DOK5: variants seen among roughly 807,000 people sequenced by gnomAD.
DOK5 encodes the protein downstream of tyrosine kinase 5.
DOK5 carries 27 observed loss-of-function variants against 43.3 expected under a neutral mutation model. The ratio of observed to expected loss-of-function variants is 0.62; its 90% CI spans 0.46 to 0.86. The LOEUF (loss-of-function observed/expected upper bound fraction) is 0.86. Among genes scored for constraint, DOK5 ranks in the 40% least tolerant of loss-of-function variants. DOK5 has a pLI of 0.00. For synonymous variants in DOK5, 146 were observed against 140.1 expected (o/e 1.04, Z -0.30); for missense variants, 373 against 392.9 (o/e 0.95, Z 0.43).
intron 1 of DOK5, among the ~76,000 whole-genome samples, chr20:54,512,790 C>T (rs1983055622): frequency 6.6e-6 from 1 of 152,168 alleles, no homozygotes; most frequent in African/African-American, 2.4e-5. Context: ...TGGGGAAGCC[C>T]ATCACCAGAG....
chr20:54,551,645 T>C (rs1012824183), intron 1 of DOK5, among the ~76,000 whole-genome samples: 4 of 152,334 alleles, frequency 2.6e-5, no homozygotes, highest in East Asian at 3.9e-4. Context: ...GCCTCAGTAC[T>C]GTACACTGAA....
chr20:54,591,306 G>T (rs1985967401), intron 4 of DOK5, among the ~76,000 whole-genome samples: 1 of 152,014 alleles, frequency 6.6e-6, no homozygotes, highest in Non-Finnish European at 1.5e-5. Context: ...TGGTTGTATT[G>T]CTTTAGTCTT....
chr20:54,601,673 T>A (rs951656798), intron 5 of DOK5, among the ~76,000 whole-genome samples: 7 of 152,194 alleles, frequency 4.6e-5, no homozygotes, highest in African/African-American at 1.7e-4. Context: ...GTGCTAGTGA[T>A]GATGAAATGG....
chr20:54,544,610 C>G (rs1984275359), intron 1 of DOK5, among the ~76,000 whole-genome samples: 1 of 152,156 alleles, frequency 6.6e-6, no homozygotes, highest in South Asian at 2.1e-4. Flanking sequence ...GCTGGCTGAA[C>G]AGGAGACCGG....
intron 6 of DOK5, among the ~76,000 whole-genome samples, chr20:54,612,537 G>A (rs148616028): frequency 6.6e-6 from 1 of 152,292 alleles, no homozygotes; most frequent in Non-Finnish European, 1.5e-5. Context: ...TGCTATGTGA[G>A]TGGGCCTCAT....
chr20:54,535,508 G>A (rs1304941656), intron 1 of DOK5, among the ~76,000 whole-genome samples: 6 of 150,524 alleles, frequency 4.0e-5, no homozygotes, highest in Admixed American at 1.3e-4. Flanking sequence ...ATTTTTTAAT[G>A]CAAAATCCCT....
intron 6 of DOK5, among the ~76,000 whole-genome samples, chr20:54,615,898 T>TTAA (rs111274477): frequency 3.9e-4 from 56 of 142,490 alleles, no homozygotes; most frequent in African/African-American, 1.3e-3. Context: ...AGACTCCATC[T>TTAA]CAAAAAAAAA....
intron 1 of DOK5, among the ~76,000 whole-genome samples, chr20:54,525,629 G>C (rs1983549148): frequency 6.6e-6 from 1 of 152,202 alleles, no homozygotes; most frequent in Non-Finnish European, 1.5e-5. Flanking sequence ...CTACAATGGA[G>C]ACAAGAATAA....
At chr20:54,614,339 CAG>C (rs1478896315) in intron 6 of DOK5, among the ~76,000 whole-genome samples, 1 of 152,096 alleles carries the variant, frequency 6.6e-6, no homozygotes, top group South Asian at 2.1e-4. Flanking sequence ...TGGAGAGAGA[CAG>C]AGGGAGGGGA....
chr20:54,640,243 A>G (rs1270359400), intron 6 of DOK5, among the ~76,000 whole-genome samples: 1 of 152,234 alleles, frequency 6.6e-6, no homozygotes, highest in Admixed American at 6.5e-5. Flanking sequence ...GTAATGAAAC[A>G]AAGCTGAATG....
At chr20:54,561,266 G>C (rs933328418) in intron 2 of DOK5, among the ~76,000 whole-genome samples, 1 of 152,174 alleles carries the variant, frequency 6.6e-6, no homozygotes, top group Non-Finnish European at 1.5e-5. Context: ...GTGGTGGCAG[G>C]TTCTGTCCAT....
chr20:54,487,655 G>A (rs1164733191), intron 1 of DOK5, among the ~76,000 whole-genome samples: 1 of 152,052 alleles, frequency 6.6e-6, no homozygotes, highest in Non-Finnish European at 1.5e-5. Flanking sequence ...GCCGCCAAAT[G>A]TCATCATTTT....
chr20:54,570,963 A>G (rs746557397), intron 2 of DOK5, among the ~76,000 whole-genome samples: 5 of 152,234 alleles, frequency 3.3e-5, no homozygotes, highest in Non-Finnish European at 5.9e-5. Context: ...TGGCTGTTAA[A>G]CATTTATTTC....
At chr20:54,587,459 T>C (rs947863928) in intron 2 of DOK5, among the ~76,000 whole-genome samples, 11 of 152,086 alleles carry the variant, frequency 7.2e-5, no homozygotes, top group African/African-American at 2.7e-4. Flanking sequence ...CAAAGATTGA[T>C]GGAAAGTGGA....
At chr20:54,541,323 C>T (rs1568774435) in intron 1 of DOK5, among the ~76,000 whole-genome samples, 1 of 152,210 alleles carries the variant, frequency 6.6e-6, no homozygotes, top group South Asian at 2.1e-4. Context: ...CGACCTGCGC[C>T]TTTCCTGCCC....
At chr20:54,537,619 C>T (rs888690535) in intron 1 of DOK5, among the ~76,000 whole-genome samples, 2 of 152,024 alleles carry the variant, frequency 1.3e-5, no homozygotes, top group African/African-American at 4.8e-5. Flanking sequence ...TAGTAATCAT[C>T]CAGTTGGAAT....
At chr20:54,480,902 C>CTATCTATCTATCTATCT (rs1555822314) in intron 1 of DOK5, among the ~76,000 whole-genome samples, 2,283 of 134,786 alleles carry the variant, frequency 0.017, 106 homozygotes, top group African/African-American at 0.03. Flanking sequence ...TTAAGGCCTC[C>CTATCTATCTATCTATCT]ATCTATCTAT....
chr20:54,647,284 C>A (rs1979476355), intron 7 of DOK5, among the ~76,000 whole-genome samples: 1 of 152,094 alleles, frequency 6.6e-6, no homozygotes, highest in East Asian at 1.9e-4. Context: ...TTGGGTGGAT[C>A]TCCTGAGATC....
chr20:54,495,233 A>G (rs1220032524), intron 1 of DOK5: 1 of 152,252 alleles, frequency 6.6e-6, no homozygotes, highest in African/African-American at 2.4e-5. Context: ...GAAGCTCCAA[A>G]CAGTAGGCAA....
Sources: allele counts gnomAD v4.1 joint callset (sites outside exome capture counted in the v4.1 genomes callset), GRCh38; gene constraint gnomAD v4.1.1; transcripts MANE v1.5; gene names NCBI Gene and HGNC (gene_info 2026-07-23, HGNC 2026-07-21).